NIPA2: variants seen among roughly 807,000 people sequenced by gnomAD.
NIPA2 encodes magnesium transporter NIPA2.
A neutral mutation model predicts 29.7 loss-of-function variants in NIPA2; 11 were observed. The ratio of observed to expected loss-of-function variants is 0.37; its 90% CI spans 0.23 to 0.61. The LOEUF (loss-of-function observed/expected upper bound fraction) is 0.61. Ranked by LOEUF, NIPA2 falls within the 20% of genes least tolerant of loss-of-function variation. The pLI, the probability that NIPA2 is intolerant of heterozygous loss-of-function variation, is 0.66. For synonymous variants in NIPA2, 183 were observed against 161.9 expected, an observed-to-expected ratio of 1.13 and a Z score of -0.99; for missense variants, 426 against 437.9, an observed-to-expected ratio of 0.97 and a Z score of 0.24.
chr15:22,860,428 T>C (rs1212227420), intron 6 of NIPA2, among the ~76,000 whole-genome samples: 1 of 152,240 alleles, frequency 6.6e-6, no homozygotes, highest in Non-Finnish European at 1.5e-5. Flanking sequence ...AGGTGTAGTG[T>C]ATGATGAAGC....
At chr15:22,855,666 G>A (rs2058125212) in intron 5 of NIPA2, among the ~76,000 whole-genome samples, 1 of 152,178 alleles carries the variant, frequency 6.6e-6, no homozygotes, top group Admixed American at 6.5e-5. Context: ...AGTGAAGTCG[G>A]AAGGAGTGTT....
At chr15:22,864,410 G>T (rs893515837) in intron 7 of NIPA2, among the ~76,000 whole-genome samples, 5 of 152,074 alleles carry the variant, frequency 3.3e-5, no homozygotes, top group South Asian at 2.1e-4. Context: ...CACCTCGGCC[G>T]CCCAAAGTGC....
intron 1 of NIPA2, 117 bp from the exon 2 acceptor site, chr15:22,839,538 T>C (rs967482168): frequency 1.3e-5 from 2 of 152,210 alleles, no homozygotes; most frequent in Middle Eastern, 3.2e-3. Context: ...TGTGCTCGAT[T>C]GAGTAGGTTT....
intron 7 of NIPA2, among the ~76,000 whole-genome samples, chr15:22,865,969 A>C (rs1333673731): frequency 2.0e-5 from 3 of 152,070 alleles, no homozygotes; most frequent in African/African-American, 7.2e-5. Context: ...GTCGGCATAA[A>C]GTGCTGCTGC....
chr15:22,842,157 C>T (rs1897260361), intron 2 of NIPA2, among the ~76,000 whole-genome samples: 1 of 152,174 alleles, frequency 6.6e-6, no homozygotes. Flanking sequence ...TGTTGTACCC[C>T]TGCTCCTAGA....
intron 2 of NIPA2, among the ~76,000 whole-genome samples, chr15:22,843,319 A>G (rs977976048): frequency 6.6e-6 from 1 of 151,882 alleles, no homozygotes; most frequent in African/African-American, 2.4e-5. Context: ...CCTGGCTAAC[A>G]TGGTGAAACC....
chr15:22,843,796 A>G (rs900309727), intron 2 of NIPA2, among the ~76,000 whole-genome samples: 3 of 151,872 alleles, frequency 2.0e-5, no homozygotes, highest in African/African-American at 7.3e-5. Flanking sequence ...GATTACAGGC[A>G]CCCGCCCTCA....
At position 22,851,190 on chromosome 15, in the gene NIPA2, A is replaced by G. The variant is rs141312251; in HGVS notation, c.-93-449A>G. Reference sequence around the variant, plus strand: ...CCTGAATAGGCTAAATAAATAAATTAGCATATGCTTATGTGCACCTATTGC... The same window carrying G: ...CCTGAATAGGCTAAATAAATAAATTGGCATATGCTTATGTGCACCTATTGC... On this transcript the variant is annotated intron_variant, in intron 3 of 7. Coordinates refer to ENST00000337451, the MANE Select transcript of NIPA2 (RefSeq NM_030922.7). 3.1e-3 allele frequency among the ~76,000 whole-genome samples: 473 copies of G among 152,336 alleles called. 3 individuals carry two copies. Among genetic ancestry groups the G allele is most frequent in the African/African-American group, 0.011 (461 of 41,584 alleles).
In NIPA2 at chr15:22,865,679, TATC is replaced by T. The variant is rs555113207; in HGVS notation, c.449-531_449-529del. Among the ~76,000 whole-genome samples, 4 of 152,238 alleles carry T rather than the reference TATC, an allele frequency of 2.6e-5. No individual in the cohort carries two copies. In the South Asian group the frequency reaches 8.3e-4, roughly 32 times the overall value. ...ACAGTGCTACACAGTTGTTGGCTAT[TATC>T]ATGCTGGATTTAATTCTCCGTATTC... On this transcript the variant is annotated intron_variant, in intron 7 of 7. Coordinates refer to ENST00000337451, the MANE Select transcript of NIPA2 (RefSeq NM_030922.7).
chr15:22,854,100 C>T (rs1389161096), intron 5 of NIPA2, among the ~76,000 whole-genome samples: 1 of 152,072 alleles, frequency 6.6e-6, no homozygotes, highest in Non-Finnish European at 1.5e-5. Flanking sequence ...GCTGGGATTA[C>T]AGGCGTGAGC....
intron 5 of NIPA2, among the ~76,000 whole-genome samples, chr15:22,855,248 T>TA (rs35274041): frequency 0.027 from 4,003 of 148,504 alleles, 164 homozygotes; most frequent in African/African-American, 0.092. Context: ...TCGTCTCTAG[T>TA]AAAAAAAAAA....
Position 22,867,115 on chromosome 15 carries a change from A to G in NIPA2, c.*268A>G. 1 of 487,188 alleles carries G rather than the reference A, an allele frequency of 2.1e-6. No homozygotes were observed. The highest frequency in any genetic ancestry group is 3.6e-6 in the Non-Finnish European group (1 of 279,688). The allele number at this position is 487,188 out of a possible 1,614,324, so 30.2% of individuals were successfully genotyped here. A position where few individuals can be genotyped will look rare whatever the true frequency, so the allele number is the denominator to read the frequency against. ...TTTTCATCCCTTCTCCAAAAGCCGAATGCACTAATGACAGTTTTAAGTCTA... is the reference window on the plus strand; with the variant it reads ...TTTTCATCCCTTCTCCAAAAGCCGAGTGCACTAATGACAGTTTTAAGTCTA... On this transcript the variant is annotated 3_prime_UTR_variant, in exon 8 of 8. Transcript: ENST00000337451.
Position 22,866,248 on chromosome 15 carries a change from G to T in NIPA2, c.484G>T (p.Ala162Ser), listed in dbSNP as rs1489417098. ...VVFATLVVIV[A>S]LILIFVVGPR... The stretch of plus-strand genomic sequence containing the variant: ...CTTTGCAACCCTTGTGGTCATTGTG[G>T]CCTTGATATTAATCTTCGTGGTGGG... The change falls in exon 8 of 8, where the codon GCC becomes TCC. Residue 162 changes from alanine (A) to serine (S), a missense_variant. Ala to Ser is a moderately conservative substitution (Grantham distance 99). Transcript: ENST00000337451. 2.5e-6 allele frequency: 4 copies of T among 1,613,882 alleles called. No individual in the cohort carries two copies. Among genetic ancestry groups the T allele is most frequent in the Non-Finnish European group, 3.4e-6 (4 of 1,179,832 alleles).
At position 22,866,374 on chromosome 15, in the gene NIPA2, A is replaced by G. The variant is rs1049049719; in HGVS notation, c.610A>G (p.Lys204Glu). ...TGTGAAGGGCCTGGGCATTGCTATC[A>G]AGGAGCTGTTTGCAGGGAAGCCTGT... is the stretch of plus-strand genomic sequence containing the variant. ...SCVKGLGIAI[K>E]ELFAGKPVLR... is the part of the protein sequence containing the mutation. The change falls in exon 8 of 8, where the codon AAG becomes GAG. Residue 204 changes from lysine (K) to glutamate (E), a missense_variant. Lys to Glu is a moderately conservative substitution (Grantham distance 56). Coordinates refer to ENST00000337451, the MANE Select transcript of NIPA2 (RefSeq NM_030922.7). 6.2e-7 allele frequency: 1 copy of G among 1,614,058 alleles called. No individual in the cohort carries two copies. Among genetic ancestry groups the G allele is most frequent in the Non-Finnish European group, 8.5e-7 (1 of 1,179,968 alleles).
At chr15:22,850,403 C>T (rs890294750) in intron 3 of NIPA2, among the ~76,000 whole-genome samples, 2 of 152,092 alleles carry the variant, frequency 1.3e-5, no homozygotes. Context: ...GATGGCCAAG[C>T]GGCAAATCAG....
At chr15:22,864,050 T>C (rs1034223416) in intron 7 of NIPA2, among the ~76,000 whole-genome samples, 1 of 152,076 alleles carries the variant, frequency 6.6e-6, no homozygotes, top group Non-Finnish European at 1.5e-5. Context: ...TTTTTGTTTT[T>C]TGAGGGACAG....
chr15:22,858,246 T>G (rs868503318), intron 5 of NIPA2, among the ~76,000 whole-genome samples: 2 of 151,870 alleles, frequency 1.3e-5, no homozygotes, highest in Non-Finnish European at 2.9e-5. Context: ...ACAAAAAAAT[T>G]AGCTGGGCAT....
At chr15:22,840,645 A>G (rs1455281644) in intron 2 of NIPA2, among the ~76,000 whole-genome samples, 2 of 152,100 alleles carry the variant, frequency 1.3e-5, no homozygotes, top group African/African-American at 2.4e-5. Context: ...CGGGTGTAGA[A>G]GTAAAGTCCC....
chr15:22,852,190 G>A (rs2057796511), intron 4 of NIPA2, among the ~76,000 whole-genome samples: 1 of 152,136 alleles, frequency 6.6e-6, no homozygotes, highest in African/African-American at 2.4e-5. Flanking sequence ...GGTTAGGCTG[G>A]GCGTGGTGGC....
Sources: gnomAD v4.1 joint callset for allele counts (sites outside exome capture counted in the v4.1 genomes callset) on GRCh38, gnomAD v4.1.1 for gene constraint, MANE v1.5 for transcripts, NCBI Gene and HGNC (gene_info 2026-07-23, HGNC 2026-07-21) for gene names.